CCNH: variants seen among roughly 807,000 people sequenced by gnomAD.
The protein encoded by CCNH is cyclin H, also known as cyclin-H.
In CCNH, 31 loss-of-function variants were observed where a neutral mutation model predicts 41.9. That is an observed-to-expected ratio of 0.74 (90% CI 0.56 to 1.00). The LOEUF (loss-of-function observed/expected upper bound fraction) is 1.00, where lower values mean the gene tolerates loss of function less well. Among genes scored for constraint, CCNH ranks in the 50% least tolerant of loss-of-function variants. CCNH has a pLI of 0.00. For synonymous variants in CCNH, 138 were observed against 136.1 expected (o/e 1.01, Z -0.10); for missense variants, 362 against 388.4 (o/e 0.93, Z 0.57).
intron 1 of CCNH, 21 bp from the exon 2 acceptor site, chr5:87,411,367 C>T: frequency 1.9e-6 from 3 of 1,585,020 alleles, no homozygotes; most frequent in Non-Finnish European, 2.6e-6. Context: ...ACAATTACAA[C>T]ACAAGTTCAA....
downstream of CCNH, chr5:87,376,162 A>G: frequency 3.5e-6 from 2 of 568,652 alleles, no homozygotes; most frequent in Non-Finnish European, 6.2e-6. Context: ...CCTCTATGCA[A>G]CTCAAAGAAC....
At position 87,332,590 on chromosome 5, in the gene CCNH, T is replaced by C. The variant is rs750237587; in HGVS notation, c.*91-13693A>G. ...GACCTAATAGGTTATTACAGTCATG[T>C]TTCTTGTTTGCTTAAAGGAGAAAAA... On this transcript the variant is annotated intron_variant and NMD_transcript_variant, in intron 9 of 9. Transcript: ENST00000645953. 3 of 1,610,772 alleles carry C rather than the reference T, an allele frequency of 1.9e-6. No individual in the cohort carries two copies. The African/African-American group carries it at 4.0e-5, about 22-fold the overall frequency.
chr5:87,394,581 C>A (rs1762770590), intron 8 of CCNH, 97 bp from the exon 9 acceptor site: 2 of 1,575,496 alleles, frequency 1.3e-6, no homozygotes, highest in Non-Finnish European at 1.7e-6. Flanking sequence ...CCTCCTTTTA[C>A]CCATGTGGAT....
downstream of CCNH, chr5:87,391,509 T>C (rs898354138): frequency 6.3e-5 from 15 of 237,954 alleles, no homozygotes; most frequent in Non-Finnish European, 8.3e-6. Flanking sequence ...TCATCAGCTT[T>C]ATTTTTTAAA....
chr5:87,389,343 AAAAAAAG>A (rs1762300644), downstream of CCNH: 2 of 1,610,230 alleles, frequency 1.2e-6, no homozygotes, highest in Non-Finnish European at 1.7e-6. Flanking sequence ...AAAAAAACAA[AAAAAAAG>A]AAGATTTGTA....
chr5:87,395,031 G>A lies in CCNH; in HGVS notation c.933+13C>T. On this transcript the variant is annotated intron_variant, in intron 8 of 8. Coordinates refer to ENST00000256897, the MANE Select transcript of CCNH (RefSeq NM_001239.4). ...AAAAATAACTTAGAGTTCATCTTTG[G>A]AGTAAAACATACCTCCTCATGTTTG... 1.2e-6 allele frequency: 2 copies of A among 1,609,938 alleles called. No individual in the cohort carries two copies. The highest frequency in any genetic ancestry group is 1.7e-6 in the Non-Finnish European group (2 of 1,176,588).
the CCNH span, among the ~76,000 whole-genome samples, chr5:87,313,374 G>A: frequency 2.6e-5 from 4 of 152,160 alleles, no homozygotes; most frequent in African/African-American, 7.2e-5. Context: ...TTTGGAAGCC[G>A]GGCTTTACCA....
intron 9 of CCNH, among the ~76,000 whole-genome samples, chr5:87,384,386 T>C (rs1350250988): frequency 2.0e-5 from 3 of 152,172 alleles, no homozygotes; most frequent in African/African-American, 7.2e-5. Flanking sequence ...TTTGTGACTT[T>C]GAATGTAATA....
chr5:87,329,281 C>CAAAAAAAAAAAAAAAAAAAAAA (rs571157213), intron 9 of CCNH, among the ~76,000 whole-genome samples: 4 of 119,158 alleles, frequency 3.4e-5, no homozygotes, highest in Admixed American at 1.7e-4. Flanking sequence ...TCTGTCTCTC[C>CAAAAAAAAAAAAAAAAAAAAAA]AAAAAAAAAA....
intron 9 of CCNH, among the ~76,000 whole-genome samples, chr5:87,360,548 C>T (rs1288687939): frequency 1.3e-5 from 2 of 152,128 alleles, no homozygotes; most frequent in Non-Finnish European, 2.9e-5. Context: ...AGTGATCAAT[C>T]CAGTGAATTT....
chr5:87,376,379 T>G, exon 1 of CCNH: 1 of 1,613,698 alleles, frequency 6.2e-7, no homozygotes, highest in Non-Finnish European at 8.5e-7. Context: ...TAATTGCTTG[T>G]TTTTCTTCCC....
downstream of CCNH, chr5:87,389,583 G>C: frequency 6.3e-7 from 1 of 1,591,240 alleles, no homozygotes. Context: ...CACTTAGAGA[G>C]TTAATAAATA....
At chr5:87,330,320 A>G (rs1262777398) in intron 9 of CCNH, among the ~76,000 whole-genome samples, 3 of 152,108 alleles carry the variant, frequency 2.0e-5, no homozygotes, top group Non-Finnish European at 4.4e-5. Context: ...CTTATATATT[A>G]TATAAAATAC....
chr5:87,402,279 A>C lies in CCNH; in HGVS notation c.690-507T>G, dbSNP rs200778661. On this transcript the variant is annotated intron_variant, in intron 5 of 8. Coordinates refer to ENST00000256897, the MANE Select transcript of CCNH (RefSeq NM_001239.4). Reference sequence around the variant, plus strand: ...AGACATTCAAACCAACAAGACTACCACCTAATGCTTTATAAATCTATTGCA... The same window carrying C: ...AGACATTCAAACCAACAAGACTACCCCCTAATGCTTTATAAATCTATTGCA... 6.6e-5 allele frequency among the ~76,000 whole-genome samples: 10 copies of C among 152,266 alleles called. No individual in the cohort carries two copies. The East Asian group carries it at 1.9e-3, about 29-fold the overall frequency.
rs3804235 is a variant in CCNH at position 87,337,111 on chromosome 5, G to T, written c.*91-18214C>A. Among the ~76,000 whole-genome samples the T allele has an allele frequency of 2.6e-3, 403 of 152,130 alleles. 5 individuals are homozygous for T. Among genetic ancestry groups the T allele is most frequent in the East Asian group, 8.1e-3 (42 of 5,188 alleles). ...AGACAAATACAGTTATAGATACAGG[G>T]TTAATGGTACCATCCAACAAATCTG... On this transcript the variant is annotated intron_variant and NMD_transcript_variant, in intron 9 of 9. Transcript: ENST00000645953.
At chr5:87,376,830 C>T (rs375122599) in exon 1 of CCNH, 1 of 1,512,838 alleles carries the variant, frequency 6.6e-7, no homozygotes, top group Admixed American at 1.7e-5. Flanking sequence ...TCTCATGGAG[C>T]ATGCTTATAA....
At chr5:87,333,903 G>T (rs561783073) in intron 9 of CCNH, among the ~76,000 whole-genome samples, 173 of 152,170 alleles carry the variant, frequency 1.1e-3, no homozygotes, top group Non-Finnish European at 2.1e-3. Flanking sequence ...AACTGGACAG[G>T]CCTATAAATG....
In CCNH at chr5:87,394,405, T is replaced by G. The variant is rs765806530; in HGVS notation, c.*41A>C. ...GTTAAACGTTTGATATGCTTCCTACTTCTCTTGATTAGTTAGCATTGAGAA... is the reference window on the plus strand; with the variant it reads ...GTTAAACGTTTGATATGCTTCCTACGTCTCTTGATTAGTTAGCATTGAGAA... On this transcript the variant is annotated 3_prime_UTR_variant, in exon 9 of 9. Transcript: ENST00000256897. The G allele has an allele frequency of 6.9e-6, 11 of 1,601,914 alleles. No homozygotes were observed. Among genetic ancestry groups the G allele is most frequent in the Middle Eastern group, 1.7e-4 (1 of 6,026 alleles).
chr5:87,344,438 C>T (rs932459686), intron 9 of CCNH, among the ~76,000 whole-genome samples: 4 of 152,078 alleles, frequency 2.6e-5, no homozygotes, highest in Non-Finnish European at 5.9e-5. Flanking sequence ...GTTATTTTGT[C>T]GTTTACTACT....
Sources: gnomAD v4.1 joint callset for allele counts (sites outside exome capture counted in the v4.1 genomes callset) on GRCh38, gnomAD v4.1.1 for gene constraint, MANE v1.5 for transcripts, NCBI Gene and HGNC (gene_info 2026-07-23, HGNC 2026-07-21) for gene names.